ARSG: variants seen among roughly 807,000 people sequenced by gnomAD.
ARSG encodes the protein ASG.
Under a neutral mutation model 50.5 loss-of-function variants are expected in ARSG, and 37 were observed. The ratio of observed to expected loss-of-function variants is 0.73; its 90% CI spans 0.56 to 0.96. The LOEUF (loss-of-function observed/expected upper bound fraction) is 0.96. Among genes scored for constraint, ARSG ranks in the 50% least tolerant of loss-of-function variants. The probability of loss-of-function intolerance (pLI) is 0.00; values close to 1 mark genes in which losing one functional copy is unlikely to be tolerated. For synonymous variants in ARSG, 225 were observed against 254.6 expected, an observed-to-expected ratio of 0.88 and a Z score of 1.11; for missense variants, 629 against 675.3, an observed-to-expected ratio of 0.93 and a Z score of 0.76.
At chr17:68,448,868 A>G in the ARSG span, among the ~76,000 whole-genome samples, 2 of 152,152 alleles carry the variant, frequency 1.3e-5, no homozygotes, top group African/African-American at 4.8e-5. Flanking sequence ...AAAACTCTCA[A>G]ACTGCCTTTC....
In ARSG at chr17:68,274,976, C is replaced by T. The variant is rs190900293; in HGVS notation, c.-552+15550C>T. Among the ~76,000 whole-genome samples, 297 of 152,250 alleles carry T rather than the reference C, an allele frequency of 2.0e-3. 5 individuals are homozygous for T. Among genetic ancestry groups the T allele is most frequent in the Middle Eastern group, 0.017 (5 of 294 alleles). On this transcript the variant is annotated intron_variant, in intron 1 of 11. Coordinates refer to the ARSG transcript ENST00000448504. ...TGTATTTTTAGTAGAGATGGGGTTT[C>T]TCCATGTTGGTCAGGCTGGTCTCGA...
At chr17:68,388,763 A>G (rs1275566377) in intron 9 of ARSG, among the ~76,000 whole-genome samples, 1 of 152,004 alleles carries the variant, frequency 6.6e-6, no homozygotes, top group Non-Finnish European at 1.5e-5. Flanking sequence ...CGTCTCTACT[A>G]AAAATACAAA....
chr17:68,352,445 A>G (rs2078842360), intron 5 of ARSG, among the ~76,000 whole-genome samples: 3 of 151,170 alleles, frequency 2.0e-5, no homozygotes. Flanking sequence ...CAAAGGAGAT[A>G]TGCCATAATG....
At chr17:68,409,718 G>A (rs2081916618) in intron 11 of ARSG, among the ~76,000 whole-genome samples, 1 of 149,594 alleles carries the variant, frequency 6.7e-6, no homozygotes, top group Non-Finnish European at 1.5e-5. Flanking sequence ...TGGGCAGTAT[G>A]GCCATTTTCA....
chr17:68,369,203 G>A (rs940900422), intron 7 of ARSG, among the ~76,000 whole-genome samples: 1 of 152,178 alleles, frequency 6.6e-6, no homozygotes, highest in Non-Finnish European at 1.5e-5. Context: ...CACATGCATT[G>A]TGTATTTTAG....
the ARSG span, among the ~76,000 whole-genome samples, chr17:68,443,382 C>T: frequency 1.3e-5 from 2 of 152,036 alleles, no homozygotes; most frequent in Non-Finnish European, 2.9e-5. Context: ...CAATGTGCTG[C>T]GATTATAGGT....
chr17:68,311,098 G>T (rs2076835539), intron 2 of ARSG, among the ~76,000 whole-genome samples: 1 of 152,172 alleles, frequency 6.6e-6, no homozygotes, highest in Non-Finnish European at 1.5e-5. Flanking sequence ...AGAGGTTGCA[G>T]TGATCTGAGA....
chr17:68,324,892 A>G (rs1183215652), intron 2 of ARSG, among the ~76,000 whole-genome samples: 1 of 152,182 alleles, frequency 6.6e-6, no homozygotes, highest in African/African-American at 2.4e-5. Context: ...ACACACAGGT[A>G]TACACACTTG....
rs1163819709 is a variant in ARSG at position 68,399,146 on chromosome 17, G to A, written c.1213-2214G>A. Among the ~76,000 whole-genome samples the A allele has an allele frequency of 1.3e-5, 2 of 152,220 alleles. No individual in the cohort carries two copies. Among genetic ancestry groups the A allele is most frequent in the Admixed American group, 6.5e-5 (1 of 15,286 alleles). Reference sequence around the variant, plus strand: ...CTGTGGGTCATCAAATGCTTGACACGCCCCTGGAGGCCATACATCGAGGAA... The same window carrying A: ...CTGTGGGTCATCAAATGCTTGACACACCCCTGGAGGCCATACATCGAGGAA... On this transcript the variant is annotated intron_variant, in intron 10 of 11. Transcript: ENST00000621439. The surrounding 1 kb of genome is among the most constrained non-coding windows in gnomAD (Gnocchi z 4.6).
chr17:68,353,522 A>G (rs2078894888), intron 5 of ARSG, among the ~76,000 whole-genome samples: 1 of 152,104 alleles, frequency 6.6e-6, no homozygotes, highest in Non-Finnish European at 1.5e-5. Context: ...TCAAAAAACA[A>G]AAACAAAAAC....
intron 8 of ARSG, among the ~76,000 whole-genome samples, chr17:68,375,981 A>AGTT (rs1329474062): frequency 6.6e-6 from 1 of 152,160 alleles, no homozygotes; most frequent in East Asian, 1.9e-4. Flanking sequence ...ACATCACATA[A>AGTT]AATTAACATT....
At chr17:68,430,203 C>T in the ARSG span, 1 of 1,567,492 alleles carries the variant, frequency 6.4e-7, no homozygotes, top group Non-Finnish European at 8.6e-7. Context: ...GGGCTGCAGG[C>T]CCCACACGCA....
chr17:68,341,243 A>G (rs912164428), intron 2 of ARSG, among the ~76,000 whole-genome samples: 3 of 151,940 alleles, frequency 2.0e-5, no homozygotes, highest in African/African-American at 7.3e-5. Context: ...TATTTGTTTC[A>G]GCGTTTTTTG....
chr17:68,333,080 G>C (rs2077848525), intron 2 of ARSG, among the ~76,000 whole-genome samples: 1 of 152,218 alleles, frequency 6.6e-6, no homozygotes. Flanking sequence ...GGAGGCTGAG[G>C]TGGGTGGATC....
upstream of ARSG, among the ~76,000 whole-genome samples, chr17:68,290,646 T>A (rs896481697): frequency 9.2e-5 from 14 of 152,224 alleles, no homozygotes; most frequent in African/African-American, 3.4e-4. Flanking sequence ...CCGGCCTGCG[T>A]GCGCGCGCCA....
At chr17:68,322,340 G>C (rs569562547) in intron 2 of ARSG, among the ~76,000 whole-genome samples, 23 of 152,254 alleles carry the variant, frequency 1.5e-4, no homozygotes, top group African/African-American at 5.1e-4. Context: ...AGAAATGTAC[G>C]ATAGCTGGCC....
At chr17:68,302,295 C>T (rs1555762203) in intron 1 of ARSG, among the ~76,000 whole-genome samples, 1 of 152,178 alleles carries the variant, frequency 6.6e-6, no homozygotes, top group African/African-American at 2.4e-5. Flanking sequence ...GACCTGCTCC[C>T]CCCTGCTCTT....
At chr17:68,285,796 T>TG (rs1555754169) in intron 1 of ARSG, among the ~76,000 whole-genome samples, 1 of 151,742 alleles carries the variant, frequency 6.6e-6, no homozygotes, top group African/African-American at 2.4e-5. Flanking sequence ...TGTTTTGAGA[T>TG]GGAGTCCAGG....
downstream of ARSG, among the ~76,000 whole-genome samples, chr17:68,426,557 G>C: frequency 6.6e-6 from 1 of 152,206 alleles, no homozygotes; most frequent in East Asian, 1.9e-4. Context: ...TTTTGAAACA[G>C]AGTCTCACTC....
Sources: allele counts gnomAD v4.1 joint callset (sites outside exome capture counted in the v4.1 genomes callset), GRCh38; gene constraint gnomAD v4.1.1; non-coding constraint Gnocchi (gnomAD v3.1); transcripts MANE v1.5; gene names NCBI Gene and HGNC (gene_info 2026-07-23, HGNC 2026-07-21).